The following AIG1 variants were observed in gnomAD, a reference collection of about 807,000 sequenced individuals.
AIG1 encodes the protein androgen induced 1, also known as androgen-induced gene 1 protein.
A neutral mutation model predicts 31.4 loss-of-function variants in AIG1; 23 were observed. That is an observed-to-expected ratio of 0.73 (90% CI 0.53 to 1.04). The LOEUF is 1.04. Ranked by LOEUF, AIG1 falls within the 50% of genes least tolerant of loss-of-function variation. AIG1 has a pLI of 0.00. For missense variants in AIG1, 274 were observed against 295.0 expected (o/e 0.93, Z 0.52); for synonymous variants, 100 against 110.5 (o/e 0.90, Z 0.60).
chr6:143,189,348 C>T, intron 3 of AIG1: 1 of 942,578 alleles, frequency 1.1e-6, no homozygotes, highest in Non-Finnish European at 1.3e-6. Flanking sequence ...TCCTGAAGTC[C>T]TAGGATTACA....
At chr6:143,171,484 ATT>A (rs1051030698) in intron 3 of AIG1, among the ~76,000 whole-genome samples, 2 of 121,996 alleles carry the variant, frequency 1.6e-5, no homozygotes, top group South Asian at 4.7e-4. Flanking sequence ...TATAATATAT[ATT>A]AAATATATAA....
chr6:143,111,393 C>T (rs904057318), intron 1 of AIG1, among the ~76,000 whole-genome samples: 1 of 152,220 alleles, frequency 6.6e-6, no homozygotes, highest in Non-Finnish European at 1.5e-5. Context: ...TAAAACTCTT[C>T]TTTTGCGGCT....
intron 3 of AIG1, among the ~76,000 whole-genome samples, chr6:143,247,347 G>A (rs1009713913): frequency 6.6e-5 from 10 of 152,168 alleles, no homozygotes; most frequent in African/African-American, 2.4e-4. Flanking sequence ...AGCCAGGATG[G>A]TCTTGATCTC....
In AIG1 at chr6:143,291,469, T is replaced by G. The variant is rs11754096; in HGVS notation, c.515+7244T>G. Among the ~76,000 whole-genome samples the G allele has an allele frequency of 0.23, 35,566 of 152,054 alleles. 5,012 individuals are homozygous for G. The highest frequency in any genetic ancestry group is 0.42 in the East Asian group (2,172 of 5,144). ...TCAGAGACCCCTGCAAACCTCACACTTATGCACCCGACGCAGAGGTGAGCA... is the reference window on the plus strand; with the variant it reads ...TCAGAGACCCCTGCAAACCTCACACGTATGCACCCGACGCAGAGGTGAGCA... On this transcript the variant is annotated intron_variant, in intron 4 of 5. Coordinates refer to ENST00000357847, the MANE Select transcript of AIG1 (RefSeq NM_016108.4). The surrounding 1 kb of genome is among the most constrained non-coding windows in gnomAD (Gnocchi z 4.2).
chr6:143,300,289 A>G (rs1798738708), intron 4 of AIG1, among the ~76,000 whole-genome samples: 1 of 152,204 alleles, frequency 6.6e-6, no homozygotes, highest in South Asian at 2.1e-4. Flanking sequence ...GTCAAAACAT[A>G]CTTGTTTGTA....
intron 4 of AIG1, among the ~76,000 whole-genome samples, chr6:143,301,277 G>T (rs1041420999): frequency 2.6e-5 from 4 of 152,194 alleles, no homozygotes; most frequent in Admixed American, 2.6e-4. Flanking sequence ...GAAGCTTTAT[G>T]CCTAACATTG....
chr6:143,275,342 C>G (rs1796819307), intron 3 of AIG1, among the ~76,000 whole-genome samples: 1 of 152,150 alleles, frequency 6.6e-6, no homozygotes, highest in Non-Finnish European at 1.5e-5. Flanking sequence ...CTTCTCCACT[C>G]TTTCTCCAGC....
intron 3 of AIG1, among the ~76,000 whole-genome samples, chr6:143,272,493 C>T (rs1256858234): frequency 6.6e-6 from 1 of 152,198 alleles, no homozygotes; most frequent in Non-Finnish European, 1.5e-5. Context: ...AATGCACTGG[C>T]CTAAGAGTGT....
In AIG1 at chr6:143,327,978, CT is replaced by C. The variant is rs1183031790; in HGVS notation, c.516-5303del. On this transcript the variant is annotated intron_variant, in intron 4 of 5. Coordinates refer to ENST00000357847, the MANE Select transcript of AIG1 (RefSeq NM_016108.4). This position sits in a 1 kb window ranked among gnomAD's most constrained non-coding sequence, Gnocchi z 5.3. Reference sequence around the variant, plus strand: ...GTTAGGATATAAGTTTGTAAAATACCTGTGTATAAGTAGTGAACATGATGCC... The same window carrying C: ...GTTAGGATATAAGTTTGTAAAATACCGTGTATAAGTAGTGAACATGATGCC... 6.6e-6 allele frequency among the ~76,000 whole-genome samples: 1 copy of C among 152,070 alleles called. No homozygotes were observed. The highest frequency in any genetic ancestry group is 1.5e-5 in the Non-Finnish European group (1 of 68,010).
rs1798138241 is a variant in AIG1, at chr6:143,292,709, A to G, written c.515+8484A>G. Among the ~76,000 whole-genome samples, 1 of 152,126 alleles carries G rather than the reference A, an allele frequency of 6.6e-6. No homozygotes were observed. The highest frequency in any genetic ancestry group is 2.4e-5 in the African/African-American group (1 of 41,414). ...AACGAATACTTGAACAAATCACTTA[A>G]TCTCTATGGGCCTCAATTTCCTTAT... On this transcript the variant is annotated intron_variant, in intron 4 of 5. Transcript: ENST00000357847. The surrounding 1 kb of genome is among the most constrained non-coding windows in gnomAD (Gnocchi z 4.9).
At chr6:143,106,512 T>A (rs1780821131) in intron 1 of AIG1, among the ~76,000 whole-genome samples, 1 of 152,194 alleles carries the variant, frequency 6.6e-6, no homozygotes, top group South Asian at 2.1e-4. Flanking sequence ...TCCTGATCAT[T>A]TCCAAATCCT....
At chr6:143,243,970 G>T (rs545795148) in intron 3 of AIG1, among the ~76,000 whole-genome samples, 2 of 152,226 alleles carry the variant, frequency 1.3e-5, no homozygotes, top group South Asian at 2.1e-4. Flanking sequence ...CTTCAGGCAG[G>T]TCCTTTCAAG....
intron 1 of AIG1, among the ~76,000 whole-genome samples, chr6:143,084,981 G>A (rs536203222): frequency 2.0e-5 from 3 of 152,216 alleles, no homozygotes; most frequent in East Asian, 1.9e-4. Context: ...CCAAACTCTC[G>A]GGCTGCAGTT....
intron 4 of AIG1, among the ~76,000 whole-genome samples, chr6:143,311,137 C>T (rs1583830713): frequency 6.6e-6 from 1 of 151,978 alleles, no homozygotes; most frequent in East Asian, 1.9e-4. Flanking sequence ...TAGAGAAATA[C>T]ATTACAAGAA....
At chr6:143,181,745 G>A (rs1455785821) in intron 3 of AIG1, among the ~76,000 whole-genome samples, 1 of 152,096 alleles carries the variant, frequency 6.6e-6, no homozygotes, top group Non-Finnish European at 1.5e-5. Flanking sequence ...AGAAAGGGGA[G>A]ACAGGGAGAG....
At chr6:143,187,467 A>G in intron 3 of AIG1, 1 of 1,535,536 alleles carries the variant, frequency 6.5e-7, no homozygotes, top group South Asian at 1.2e-5. Flanking sequence ...TTGGCACTCG[A>G]CACTCTGCTC....
At chr6:143,108,415 G>T (rs1270603819) in intron 1 of AIG1, among the ~76,000 whole-genome samples, 1 of 152,144 alleles carries the variant, frequency 6.6e-6, no homozygotes, top group African/African-American at 2.4e-5. Context: ...TGTTTGTGGT[G>T]TCTATTTGAT....
chr6:143,144,796 T>C (rs1312533178), intron 2 of AIG1, among the ~76,000 whole-genome samples: 2 of 152,200 alleles, frequency 1.3e-5, no homozygotes, highest in Non-Finnish European at 2.9e-5. Flanking sequence ...TATTCTTTTA[T>C]TTGTGTAGTG....
rs1789193542 is a variant in AIG1 at position 143,185,658 on chromosome 6, A to AT, written c.399+20481dup. ...TGCTGTATTTGTAGTTTGTTGCTAC[A>AT]TTTTTTGGAAGTGGTTGTCCTTTGT... is the stretch of plus-strand genomic sequence containing the variant. On this transcript the variant is annotated intron_variant, in intron 3 of 5. Coordinates refer to ENST00000357847, the MANE Select transcript of AIG1 (RefSeq NM_016108.4). Among the ~76,000 whole-genome samples, 4 of 151,868 alleles carry AT rather than the reference A, an allele frequency of 2.6e-5. No individual in the cohort carries two copies. The South Asian group carries it at 8.3e-4, about 32-fold the overall frequency.
Sources: gnomAD v4.1 joint callset for allele counts (sites outside exome capture counted in the v4.1 genomes callset) on GRCh38, gnomAD v4.1.1 for gene constraint, Gnocchi (gnomAD v3.1) non-coding constraint, MANE v1.5 for transcripts, NCBI Gene and HGNC (gene_info 2026-07-23, HGNC 2026-07-21) for gene names.